Variants in CACNA1G observed in about 807,000 individuals in gnomAD.
CACNA1G encodes the protein calcium voltage-gated channel subunit alpha1 G.
CACNA1G carries 67 observed loss-of-function variants against 219.4 expected under a neutral mutation model. The ratio of observed to expected loss-of-function variants is 0.31; its 90% CI spans 0.25 to 0.37. The LOEUF (loss-of-function observed/expected upper bound fraction) is 0.37. Among genes scored for constraint, CACNA1G ranks in the 10% least tolerant of loss-of-function variants. The pLI is 1.00. For synonymous variants in CACNA1G, 1,296 were observed against 1,345.3 expected, an observed-to-expected ratio of 0.96 and a Z score of 0.80; for missense variants, 2,380 against 3,231.4, an observed-to-expected ratio of 0.74 and a Z score of 6.39.
rs1219518565 is a variant in CACNA1G at position 50,561,518 on chromosome 17, T to A, written c.59T>A (p.Met20Lys). The A allele has an allele frequency of 6.5e-7, 1 of 1,536,926 alleles. No homozygotes were observed. The highest frequency in any genetic ancestry group is 1.2e-5 in the South Asian group (1 of 84,002). ...AEESGQPRSF[M>K]RLNDLSGAGG... ...GAGTCGGGACAGCCCCGGAGCTTCA[T>A]GCGGCTCAACGACCTGTCGGGGGCC... Residue 20 changes from methionine to lysine, a missense_variant, in exon 1 of 38, where the codon ATG becomes AAG. By Grantham distance (95) the Met-to-Lys change is moderately conservative. Around this residue, in one of 17 missense-constraint regions of CACNA1G, gnomAD observed 98 missense variants for 85.5 expected, o/e 1.15. Coordinates refer to ENST00000359106, the MANE Select transcript of CACNA1G (RefSeq NM_018896.5).
chr17:50,570,647 G>A (rs1429724287), intron 4 of CACNA1G, among the ~76,000 whole-genome samples: 1 of 150,422 alleles, frequency 6.6e-6, no homozygotes, highest in African/African-American at 2.4e-5. Flanking sequence ...GGGGCTCGGG[G>A]TGTGTTGGTG....
chr17:50,561,658 G>C lies in CACNA1G; in HGVS notation c.199G>C (p.Asp67His). The change falls in exon 1 of 38, where the codon GAC (aspartate) becomes CAC (histidine). Residue 67 changes from aspartate to histidine, a missense_variant. Asp to His is a moderately conservative substitution (Grantham distance 81). Around this residue, in one of 17 missense-constraint regions of CACNA1G, gnomAD observed 64 missense variants for 103.7 expected, o/e 0.62. Transcript: ENST00000359106. ...APVVFFYLSQ[D>H]SRPRSWCLRT... is the part of the protein sequence containing the mutation. ...GGTGGTTTTCTTCTACTTGAGCCAGGACAGCCGCCCGCGGAGCTGGTGTCT... is the reference window on the plus strand; with the variant it reads ...GGTGGTTTTCTTCTACTTGAGCCAGCACAGCCGCCCGCGGAGCTGGTGTCT... 3.7e-6 allele frequency: 6 copies of C among 1,606,760 alleles called. No individual in the cohort carries two copies. The highest frequency in any genetic ancestry group is 5.1e-6 in the Non-Finnish European group (6 of 1,176,928).
At chr17:50,611,114 C>T (rs530396110) in intron 26 of CACNA1G, among the ~76,000 whole-genome samples, 6 of 152,010 alleles carry the variant, frequency 3.9e-5, no homozygotes, top group South Asian at 2.1e-4. Flanking sequence ...ATTAGCCGGG[C>T]GTGGTGGCAT....
chr17:50,618,041 T>C lies in CACNA1G; in HGVS notation c.5227-7T>C, dbSNP rs2050957588. 1.2e-6 allele frequency: 2 copies of C among 1,613,756 alleles called. No individual in the cohort carries two copies. Among genetic ancestry groups the C allele is most frequent in the Middle Eastern group, 1.7e-4 (1 of 6,054 alleles). On this transcript the variant is annotated splice_region_variant and splice_polypyrimidine_tract_variant and intron_variant, in intron 30 of 37. Transcript: ENST00000359106. This position sits in a 1 kb window ranked among gnomAD's most constrained non-coding sequence, Gnocchi z 5.3. ...GCATCGTTTCTATTTCTTCTCCTTT[T>C]TTCCAGGTGGGGAACCTGGGACTTC...
In CACNA1G at chr17:50,602,893, T is replaced by C; in HGVS notation, c.3984+5T>C. ...CTGGCTGAAATGACAGTGAAGGTGA[T>C]GGGGGCTGGTGTTGGCTTGGGACCT... On this transcript the variant is annotated splice_donor_5th_base_variant and intron_variant, in intron 20 of 37. Coordinates refer to ENST00000359106, the MANE Select transcript of CACNA1G (RefSeq NM_018896.5). 6.2e-7 allele frequency: 1 copy of C among 1,601,120 alleles called. No individual in the cohort carries two copies. The highest frequency in any genetic ancestry group is 8.5e-7 in the Non-Finnish European group (1 of 1,174,550).
chr17:50,613,926 G>T (rs1033397063), intron 26 of CACNA1G, among the ~76,000 whole-genome samples: 2 of 152,106 alleles, frequency 1.3e-5, no homozygotes, highest in African/African-American at 4.8e-5. Flanking sequence ...CTCTGTTCTC[G>T]AACAAACAGA....
chr17:50,572,637 A>C lies in CACNA1G; in HGVS notation c.830A>C (p.Asn277Thr). The stretch of plus-strand genomic sequence containing the variant: ...TTCATCTGCTCCCAGCCACGCGAGA[A>C]CGGCATGCGGTCCTGCAGAAGCGTG... ...SPFICSQPRE[N>T]GMRSCRSVPT... The change falls in exon 6 of 38, where the codon AAC (asparagine) becomes ACC (threonine). Residue 277 changes from asparagine to threonine, a missense_variant. Transcript: ENST00000359106. 6.2e-7 allele frequency: 1 copy of C among 1,601,206 alleles called. No individual in the cohort carries two copies. The highest frequency in any genetic ancestry group is 8.5e-7 in the Non-Finnish European group (1 of 1,174,236).
rs116748425 is a variant in CACNA1G at position 50,603,230 on chromosome 17, C to T, written c.4169+31C>T. On this transcript the variant is annotated intron_variant, in intron 21 of 37. Transcript: ENST00000359106. This position sits in a 1 kb window ranked among gnomAD's most constrained non-coding sequence, Gnocchi z 6.4. ...TCCCTCCCCAGCACTGGAACACCTC[C>T]AAGAGGTGGCCCCCTCCGCAGGGAC... 1,569 of 1,579,248 alleles carry T rather than the reference C, an allele frequency of 9.9e-4. 9 individuals are homozygous for T. The African/African-American group carries it at 0.017, about 17-fold the overall frequency.
In CACNA1G at chr17:50,561,624, G is replaced by T; in HGVS notation, c.165G>T (p.Ala55=). The change falls in exon 1 of 38, where the codon GCG becomes GCT. Residue 55 remains alanine, a synonymous_variant. Transcript: ENST00000359106. ...DSEAEGLPYP[A]LAPVVFFYLS... ...AGGCGGAGGGGCTGCCGTACCCGGCGCTGGCCCCGGTGGTTTTCTTCTACT... is the reference window on the plus strand; with the variant it reads ...AGGCGGAGGGGCTGCCGTACCCGGCTCTGGCCCCGGTGGTTTTCTTCTACT... 1 of 1,599,626 alleles carries T rather than the reference G, an allele frequency of 6.3e-7. No individual in the cohort carries two copies.
chr17:50,594,884 T>C, intron 13 of CACNA1G, 109 bp from the exon 14 acceptor site: 2 of 732,954 alleles, frequency 2.7e-6, no homozygotes, highest in South Asian at 3.3e-5. Flanking sequence ...TCCCCTGCTG[T>C]GGGGTTTGCG....
At position 50,575,771 on chromosome 17, in the gene CACNA1G, G is replaced by A. The variant is rs1321508132; in HGVS notation, c.1369G>A (p.Ala457Thr). The change falls in exon 8 of 38, where the codon GCA (alanine) becomes ACA (threonine). Residue 457 changes from alanine to threonine, a missense_variant. Ala to Thr is a moderately conservative substitution (Grantham distance 58, BLOSUM62 0). Around this residue, in one of 17 missense-constraint regions of CACNA1G, gnomAD observed 434 missense variants for 417.3 expected, o/e 1.04. Transcript: ENST00000359106. ...AARRLAQVSR[A>T]AGVRVGLLSS... ...CCGCAGGCTGGCTCAGGTCTCTCGG[G>A]CAGCAGGTGTGCGGGTTGGGCTGCT... The A allele has an allele frequency of 1.3e-6, 2 of 1,558,380 alleles. No individual in the cohort carries two copies. The highest frequency in any genetic ancestry group is 2.4e-5 in the South Asian group (2 of 84,762).
At chr17:50,616,534 G>A (rs2146242859) in intron 28 of CACNA1G, 150 bp downstream of exon 28, 1 of 546,876 alleles carries the variant, frequency 1.8e-6, no homozygotes. Context: ...GGGGACTAGG[G>A]GATGGGAAGG....
chr17:50,584,011 G>A (rs1450477526), intron 9 of CACNA1G, among the ~76,000 whole-genome samples: 1 of 152,196 alleles, frequency 6.6e-6, no homozygotes. Context: ...TGTCCAGAGG[G>A]AGGAAGGGTG....
intron 26 of CACNA1G, among the ~76,000 whole-genome samples, chr17:50,612,928 G>T (rs958380008): frequency 2.0e-5 from 3 of 152,240 alleles, no homozygotes; most frequent in Non-Finnish European, 4.4e-5. Context: ...AAAGCAGCAG[G>T]CTTGCCCAAG....
chr17:50,616,051 A>C (rs1189581101), intron 27 of CACNA1G, among the ~76,000 whole-genome samples: 1 of 152,198 alleles, frequency 6.6e-6, no homozygotes, highest in African/African-American at 2.4e-5. Flanking sequence ...TCTCCCAAGG[A>C]GAAAGATCCT....
chr17:50,592,583 G>T (rs2044560054), intron 13 of CACNA1G, among the ~76,000 whole-genome samples: 1 of 152,216 alleles, frequency 6.6e-6, no homozygotes, highest in Admixed American at 6.5e-5. Context: ...TTAGCTACGG[G>T]CATGGCAGAG....
At position 50,618,459 on chromosome 17, in the gene CACNA1G, C is replaced by T. The variant is rs1245256614; in HGVS notation, c.5427+116C>T. ...AGCATGTGACCTTCTCTCCCCCGTG[C>T]TAGAACACTCTGGAACTCCCTCTCC... On this transcript the variant is annotated intron_variant, in intron 32 of 37. Transcript: ENST00000359106. The surrounding 1 kb of genome is among the most constrained non-coding windows in gnomAD (Gnocchi z 5.3). The T allele has an allele frequency of 1.4e-6, 2 of 1,397,872 alleles. No homozygotes were observed. The highest frequency in any genetic ancestry group is 2.0e-6 in the Non-Finnish European group (2 of 1,008,142). 86.6% of individuals were successfully genotyped at this position (1,397,872 alleles called of 1,614,324 possible).
chr17:50,566,430 T>C (rs2037883888), intron 1 of CACNA1G, among the ~76,000 whole-genome samples: 1 of 152,178 alleles, frequency 6.6e-6, no homozygotes, highest in Admixed American at 6.5e-5. Flanking sequence ...GGCAGGATGT[T>C]ACTTGGAAGT....
intron 1 of CACNA1G, among the ~76,000 whole-genome samples, chr17:50,564,519 G>A (rs1276409461): frequency 2.5e-4 from 37 of 146,436 alleles, no homozygotes; most frequent in African/African-American, 8.1e-4. Context: ...GGGAGGAGAG[G>A]GGGGGGAGGC....
Sources: allele counts gnomAD v4.1 joint callset (sites outside exome capture counted in the v4.1 genomes callset), GRCh38; gene constraint gnomAD v4.1.1; regional missense constraint gnomAD v4.1.1; non-coding constraint Gnocchi (gnomAD v3.1); transcripts MANE v1.5; gene names NCBI Gene and HGNC (gene_info 2026-07-23, HGNC 2026-07-21).